Variants in CCDC178 observed in about 807,000 individuals in gnomAD.
The protein encoded by CCDC178 is coiled-coil domain-containing protein 178.
A neutral mutation model predicts 117.4 loss-of-function variants in CCDC178; 126 were observed. The observed-to-expected ratio is 1.07, with a 90% CI of 0.93 to 1.24. The LOEUF (loss-of-function observed/expected upper bound fraction) is 1.24, where lower values mean the gene tolerates loss of function less well. Ranked by LOEUF, CCDC178 falls within the 50% of genes most tolerant of loss-of-function variation. The pLI, the probability that CCDC178 is intolerant of heterozygous loss-of-function variation, is 0.00. For missense variants in CCDC178, 1,030 were observed against 986.9 expected (o/e 1.04, Z -0.59); for synonymous variants, 283 against 313.4 (o/e 0.90, Z 1.02).
intron 2 of CCDC178, among the ~76,000 whole-genome samples, chr18:33,432,989 A>G (rs1395527043): frequency 3.3e-5 from 5 of 152,238 alleles, no homozygotes; most frequent in Non-Finnish European, 7.3e-5. Flanking sequence ...AATTACAAAG[A>G]AATTACTCAG....
intron 11 of CCDC178, among the ~76,000 whole-genome samples, chr18:33,299,038 C>G (rs2062142465): frequency 6.6e-6 from 1 of 152,092 alleles, no homozygotes; most frequent in Admixed American, 6.5e-5. Context: ...AATGACCATA[C>G]TACCCAAAGC....
At chr18:33,437,330 T>G (rs1217469250) in intron 2 of CCDC178, among the ~76,000 whole-genome samples, 1 of 152,230 alleles carries the variant, frequency 6.6e-6, no homozygotes, top group Non-Finnish European at 1.5e-5. Context: ...TACAGGGATG[T>G]TCAAATAACT....
Position 32,976,181 on chromosome 18 carries a change from C to T in CCDC178, c.2389-1500G>A, listed in dbSNP as rs375375641. 7.6e-4 allele frequency among the ~76,000 whole-genome samples: 116 copies of T among 152,136 alleles called. No homozygotes were observed. In the Middle Eastern group the frequency reaches 0.02, roughly 27 times the overall value. ...GATAATTTGGGCTATTAAATTAAAA[C>T]TTAGCATTATTATTTGAAGAGAAAT... On this transcript the variant is annotated intron_variant, in intron 21 of 22. Coordinates refer to ENST00000383096, the MANE Select transcript of CCDC178 (RefSeq NM_001105528.4).
At chr18:32,939,831 G>GGGTC (rs2054198996) in intron 22 of CCDC178, among the ~76,000 whole-genome samples, 1 of 152,054 alleles carries the variant, frequency 6.6e-6, no homozygotes, top group Admixed American at 6.6e-5. Context: ...TATCCGAAAT[G>GGGTC]TTTGGGTCTT....
At chr18:33,040,239 A>C (rs2056523008) in intron 21 of CCDC178, among the ~76,000 whole-genome samples, 1 of 151,990 alleles carries the variant, frequency 6.6e-6, no homozygotes, top group Non-Finnish European at 1.5e-5. Flanking sequence ...GAAATAAAAT[A>C]CCAACTTACA....
At chr18:33,005,043 GA>G (rs2055719623) in intron 21 of CCDC178, among the ~76,000 whole-genome samples, 1 of 151,998 alleles carries the variant, frequency 6.6e-6, no homozygotes, top group African/African-American at 2.4e-5. Context: ...AACCACTATG[GA>G]AAATAGTTTG....
intron 20 of CCDC178, among the ~76,000 whole-genome samples, chr18:33,178,538 T>C (rs2058690717): frequency 6.6e-6 from 1 of 152,124 alleles, no homozygotes; most frequent in Non-Finnish European, 1.5e-5. Flanking sequence ...CTTAAAACCC[T>C]GGACTCACTT....
At chr18:33,348,810 G>A in intron 8 of CCDC178, 80 bp downstream of exon 8, 1 of 867,436 alleles carries the variant, frequency 1.2e-6, no homozygotes, top group South Asian at 1.5e-5. Context: ...CATGATTATT[G>A]TGACAATCAG....
chr18:32,989,716 GAGCAGTAACAA>G (rs1387915867), intron 21 of CCDC178, among the ~76,000 whole-genome samples: 1 of 152,036 alleles, frequency 6.6e-6, no homozygotes, highest in Non-Finnish European at 1.5e-5. Flanking sequence ...TTTAGCTCAT[GAGCAGTAACAA>G]AGCAAGTGGC....
chr18:33,142,627 A>G (rs2058220625), intron 20 of CCDC178, among the ~76,000 whole-genome samples: 1 of 152,212 alleles, frequency 6.6e-6, no homozygotes, highest in Non-Finnish European at 1.5e-5. Context: ...AAATAATTTG[A>G]TAACAGAAAG....
chr18:32,951,478 C>A (rs924094420), intron 22 of CCDC178, among the ~76,000 whole-genome samples: 1 of 152,156 alleles, frequency 6.6e-6, no homozygotes, highest in African/African-American at 2.4e-5. Flanking sequence ...CTTATAAAAT[C>A]ATTAGATCTT....
chr18:33,388,519 A>ATTTTTTTTTTTT (rs71159828), intron 5 of CCDC178, among the ~76,000 whole-genome samples: 49,913 of 65,038 alleles, frequency 0.77, 22,893 homozygotes, highest in Middle Eastern at 0.93. Context: ...ACACCACGGA[A>ATTTTTTTTTTTT]TTTTTTTTTT....
At chr18:33,017,420 A>G (rs562975325) in intron 21 of CCDC178, among the ~76,000 whole-genome samples, 13 of 152,070 alleles carry the variant, frequency 8.5e-5, no homozygotes, top group Admixed American at 2.0e-4. Context: ...AAGTATGAAT[A>G]CTGTTGAAAC....
chr18:33,101,318 G>A (rs1049078316), intron 20 of CCDC178, among the ~76,000 whole-genome samples: 2 of 150,728 alleles, frequency 1.3e-5, no homozygotes, highest in African/African-American at 2.4e-5. Context: ...CTCTTTTCAC[G>A]GCATCATGTG....
intron 21 of CCDC178, among the ~76,000 whole-genome samples, chr18:33,024,657 T>C (rs777331125): frequency 3.4e-4 from 51 of 152,116 alleles, no homozygotes; most frequent in Non-Finnish European, 6.8e-4. Flanking sequence ...TTATCATTTT[T>C]TTTTGAGATG....
chr18:33,373,961 T>G (rs911864230), intron 5 of CCDC178, among the ~76,000 whole-genome samples: 20 of 152,096 alleles, frequency 1.3e-4, no homozygotes, highest in African/African-American at 4.8e-4. Flanking sequence ...ACAACTGATT[T>G]TGGACTTTGA....
intron 5 of CCDC178, among the ~76,000 whole-genome samples, 195 bp from the exon 6 acceptor site, chr18:33,370,384 A>G (rs914977664): frequency 1.3e-5 from 2 of 152,044 alleles, no homozygotes; most frequent in Non-Finnish European, 2.9e-5. Context: ...ATAATCATTT[A>G]TGATTTAATT....
At chr18:33,268,397 A>G (rs1185632132) in intron 12 of CCDC178, among the ~76,000 whole-genome samples, 3 of 151,936 alleles carry the variant, frequency 2.0e-5, no homozygotes, top group African/African-American at 7.2e-5. Context: ...GTACTGAAAT[A>G]ATGTGAAATC....
chr18:33,194,929 A>G (rs961189860), intron 20 of CCDC178, among the ~76,000 whole-genome samples: 5 of 140,770 alleles, frequency 3.6e-5, no homozygotes, highest in Admixed American at 2.1e-4. Context: ...AGAGAGAGAG[A>G]GAGGGAGAGA....
Sources: allele counts gnomAD v4.1 joint callset (sites outside exome capture counted in the v4.1 genomes callset), GRCh38; gene constraint gnomAD v4.1.1; transcripts MANE v1.5; gene names NCBI Gene and HGNC (gene_info 2026-07-23, HGNC 2026-07-21).